RALGAPB: variants seen among roughly 807,000 people sequenced by gnomAD.
RALGAPB encodes ral GTPase-activating protein subunit beta.
In RALGAPB, 25 loss-of-function variants were observed where a neutral mutation model predicts 161.1. The ratio of observed to expected loss-of-function variants is 0.16; its 90% CI spans 0.11 to 0.22. The LOEUF is 0.22. RALGAPB is among the 10% of genes least tolerant of loss of function. The pLI is 1.00. For missense variants in RALGAPB, 1,391 were observed against 1,815.2 expected (o/e 0.77, Z 4.25); for synonymous variants, 629 against 626.1 (o/e 1.00, Z -0.07).
chr20:38,529,664 C>G (rs1006751311), intron 13 of RALGAPB, among the ~76,000 whole-genome samples: 3 of 151,668 alleles, frequency 2.0e-5, no homozygotes, highest in South Asian at 4.2e-4. Context: ...AACCCCGTCT[C>G]TACTCAAAAT....
intron 29 of RALGAPB, 115 bp downstream of exon 29, chr20:38,574,413 G>A (rs1160618388): frequency 8.6e-7 from 1 of 1,167,444 alleles, no homozygotes; most frequent in Non-Finnish European, 1.2e-6. Context: ...CCACATGTAG[G>A]AAATGGTATG....
intron 20 of RALGAPB, among the ~76,000 whole-genome samples, chr20:38,549,207 A>T (rs1471648508): frequency 6.6e-6 from 1 of 152,124 alleles, no homozygotes; most frequent in Non-Finnish European, 1.5e-5. Context: ...TTATATAATA[A>T]TTGGTAATAT....
At chr20:38,531,655 A>G (rs547755084) in intron 14 of RALGAPB, among the ~76,000 whole-genome samples, 2 of 152,276 alleles carry the variant, frequency 1.3e-5, no homozygotes, top group South Asian at 4.1e-4. Context: ...AATGCTTCCA[A>G]ATCAAAAATG....
At chr20:38,559,565 G>C (rs781096129) in intron 23 of RALGAPB, among the ~76,000 whole-genome samples, 3 of 152,130 alleles carry the variant, frequency 2.0e-5, no homozygotes, top group East Asian at 1.9e-4. Flanking sequence ...GTGGTGGCAG[G>C]CACCTGTAGT....
At position 38,543,433 on chromosome 20, in the gene RALGAPB, A is replaced by G. The variant is rs192678231; in HGVS notation, c.2714+2241A>G. Among the ~76,000 whole-genome samples the G allele has an allele frequency of 8.7e-4, 133 of 152,202 alleles. 1 individual carries two copies. The highest frequency in any genetic ancestry group is 3.4e-3 in the Middle Eastern group (1 of 294). The stretch of plus-strand genomic sequence containing the variant: ...CCAGGCCCTCCTCACTTCTTGCCCA[A>G]TTGCCCTATTTTCGATCTCTTAGCC... On this transcript the variant is annotated intron_variant, in intron 18 of 29. Transcript: ENST00000262879.
At chr20:38,478,113 C>T (rs150093072) in intron 1 of RALGAPB, among the ~76,000 whole-genome samples, 163 of 152,226 alleles carry the variant, frequency 1.1e-3, no homozygotes, top group African/African-American at 3.7e-3. Context: ...CAGAGTGAGA[C>T]CTTGTCTCAA....
chr20:38,573,993 A>G, intron 28 of RALGAPB, 157 bp from the exon 29 acceptor site: 1 of 573,298 alleles, frequency 1.7e-6, no homozygotes, highest in Non-Finnish European at 2.8e-6. Context: ...CCCAGAAAGC[A>G]GATTCTGAGC....
chr20:38,546,061 C>T (rs1373529152), intron 18 of RALGAPB, among the ~76,000 whole-genome samples, 182 bp from the exon 19 acceptor site: 2 of 151,942 alleles, frequency 1.3e-5, no homozygotes, highest in Admixed American at 6.6e-5. Context: ...GCTTTTTAAT[C>T]TTGGAGGGGA....
At chr20:38,480,204 A>C (rs1289679858) in intron 1 of RALGAPB, among the ~76,000 whole-genome samples, 1 of 151,646 alleles carries the variant, frequency 6.6e-6, no homozygotes, top group African/African-American at 2.4e-5. Flanking sequence ...ATTAATTACA[A>C]ATATTCAATC....
intron 21 of RALGAPB, among the ~76,000 whole-genome samples, chr20:38,551,892 A>G (rs1197767455): frequency 1.3e-5 from 2 of 152,104 alleles, no homozygotes; most frequent in Non-Finnish European, 2.9e-5. Context: ...GAAGGGCTAC[A>G]CTCTCCAATG....
At chr20:38,499,366 C>G in intron 4 of RALGAPB, 81 bp from the exon 5 acceptor site, 2 of 1,220,018 alleles carry the variant, frequency 1.6e-6, no homozygotes, top group Non-Finnish European at 2.2e-6. Context: ...AATTTTTTGA[C>G]CAGTTCTCCC....
intron 28 of RALGAPB, among the ~76,000 whole-genome samples, chr20:38,573,367 T>C (rs2088312438): frequency 6.6e-6 from 1 of 152,030 alleles, no homozygotes; most frequent in Admixed American, 6.6e-5. Context: ...TTGGCCAAAA[T>C]CACCTTACCT....
chr20:38,521,792 G>A, intron 10 of RALGAPB, 94 bp downstream of exon 10: 2 of 1,255,104 alleles, frequency 1.6e-6, no homozygotes, highest in African/African-American at 1.5e-5. Context: ...ATGTTGGTCT[G>A]AAATACCTAC....
chr20:38,563,491 CCT>C (rs2145496039), intron 24 of RALGAPB, among the ~76,000 whole-genome samples: 1 of 152,298 alleles, frequency 6.6e-6, no homozygotes, highest in Admixed American at 6.5e-5. Context: ...CCCCGCAGAT[CCT>C]CTGAGGAACT....
intron 3 of RALGAPB, among the ~76,000 whole-genome samples, chr20:38,494,087 C>T (rs143638922): frequency 4.2e-4 from 64 of 152,302 alleles, no homozygotes; most frequent in Non-Finnish European, 7.6e-4. Context: ...AGGCCCACAG[C>T]GATCACACCT....
chr20:38,512,234 A>T (rs2123049448), intron 6 of RALGAPB, among the ~76,000 whole-genome samples: 1 of 152,342 alleles, frequency 6.6e-6, no homozygotes, highest in Middle Eastern at 3.4e-3. Flanking sequence ...CATTTAAAAG[A>T]GCTCTGAATA....
chr20:38,552,480 A>G (rs1359768258), intron 21 of RALGAPB, among the ~76,000 whole-genome samples: 2 of 152,068 alleles, frequency 1.3e-5, no homozygotes, highest in East Asian at 3.9e-4. Context: ...TTTTACATTC[A>G]AGGATGTGAG....
chr20:38,492,293 T>C (rs2122888950), intron 2 of RALGAPB, among the ~76,000 whole-genome samples: 1 of 152,348 alleles, frequency 6.6e-6, no homozygotes, highest in East Asian at 1.9e-4. Flanking sequence ...GCAAGTTCTC[T>C]CAGTCCTTAG....
intron 18 of RALGAPB, among the ~76,000 whole-genome samples, chr20:38,543,575 ACTC>A (rs2087051479): frequency 6.6e-6 from 1 of 151,650 alleles, no homozygotes; most frequent in South Asian, 2.1e-4. Context: ...TGTTGTCTAA[ACTC>A]CTCAATCTGG....
Sources: gnomAD v4.1 joint callset for allele counts (sites outside exome capture counted in the v4.1 genomes callset) on GRCh38, gnomAD v4.1.1 for gene constraint, MANE v1.5 for transcripts, NCBI Gene and HGNC (gene_info 2026-07-23, HGNC 2026-07-21) for gene names.